The following DHX8 variants were observed in gnomAD, a reference collection of about 807,000 sequenced individuals.
The protein encoded by DHX8 is DEAH-box helicase 8.
A neutral mutation model predicts 140.7 loss-of-function variants in DHX8; 67 were observed. The ratio of observed to expected loss-of-function variants is 0.48; its 90% CI spans 0.39 to 0.58. DHX8 has a LOEUF of 0.58. Among genes scored for constraint, DHX8 ranks in the 20% least tolerant of loss-of-function variants. DHX8 has a pLI of 0.00. For missense variants in DHX8, 887 were observed against 1,550.7 expected (o/e 0.57, Z 7.19); for synonymous variants, 533 against 553.2 (o/e 0.96, Z 0.51).
chr17:43,498,140 GT>G (rs1334963814), intron 9 of DHX8, among the ~76,000 whole-genome samples: 309 of 142,534 alleles, frequency 2.2e-3, no homozygotes, highest in Middle Eastern at 3.5e-3. Context: ...CTGGGAAGGT[GT>G]TTTTTTTTTT....
In DHX8 at chr17:43,484,294, C is replaced by A. The variant is rs1967990094; in HGVS notation, c.148+109C>A. ...GGACCGAAAGTATGTTCGTGTGAAT[C>A]TGTCTCTCTCTGTCGCAGACACCGG... On this transcript the variant is annotated intron_variant, in intron 1 of 22. Transcript: ENST00000262415. The A allele has an allele frequency of 6.2e-6, 8 of 1,299,078 alleles. No individual in the cohort carries two copies. In the East Asian group the frequency reaches 1.9e-4, roughly 31 times the overall value. The allele number at this position is 1,299,078 out of a possible 1,614,324, so 80.5% of individuals were successfully genotyped here.
At chr17:43,543,661 A>C (rs1346869312) in intron 3 of DHX8, among the ~76,000 whole-genome samples, 1 of 152,134 alleles carries the variant, frequency 6.6e-6, no homozygotes, top group South Asian at 2.1e-4. Flanking sequence ...AAGGATGGGG[A>C]GACGGGGCAA....
At chr17:43,541,139 C>T (rs1322620531) in intron 3 of DHX8, among the ~76,000 whole-genome samples, 2 of 152,182 alleles carry the variant, frequency 1.3e-5, no homozygotes, top group Admixed American at 6.5e-5. Flanking sequence ...CCATCCTCTT[C>T]CCAGAGCCAG....
chr17:43,524,235 G>GC lies in DHX8; in HGVS notation c.*388_*389insC. On this transcript the variant is annotated 3_prime_UTR_variant, in exon 23 of 23. Transcript: ENST00000262415. ...GCAGGAGCTACTGTGCTCATCTAAAGTGTTTGCCCCACTTCCCACCCCGTC... is the reference window on the plus strand; with the variant it reads ...GCAGGAGCTACTGTGCTCATCTAAAGCTGTTTGCCCCACTTCCCACCCCGTC... The GC allele has an allele frequency of 9.5e-7, 1 of 1,049,802 alleles. No individual in the cohort carries two copies. The highest frequency in any genetic ancestry group is 3.4e-5 in the South Asian group (1 of 29,524). 65.0% of individuals were successfully genotyped at this position (1,049,802 alleles called of 1,614,324 possible). A position where few individuals can be genotyped will look rare whatever the true frequency, so the allele number is the denominator to read the frequency against.
chr17:43,536,475 C>G (rs572797949), exon 3 of DHX8: 4 of 1,614,100 alleles, frequency 2.5e-6, no homozygotes, highest in Non-Finnish European at 3.4e-6. Flanking sequence ...TGTCTGGTAC[C>G]TGAGCTGCAG....
chr17:43,523,975 ACT>A lies in DHX8; in HGVS notation c.*132_*133del, dbSNP rs1970512103. ...CTTAACTGAGCATTTTCTCAACTCG[ACT>A]CTCATTTCTTCCCTGCTGGTAAAAT... On this transcript the variant is annotated 3_prime_UTR_variant, in exon 23 of 23. Coordinates refer to ENST00000262415, the MANE Select transcript of DHX8 (RefSeq NM_004941.3). 2.1e-6 allele frequency: 3 copies of A among 1,461,308 alleles called. No homozygotes were observed. The highest frequency in any genetic ancestry group is 2.7e-6 in the Non-Finnish European group (3 of 1,109,410). 90.5% of individuals were successfully genotyped at this position (1,461,308 alleles called of 1,614,324 possible).
chr17:43,532,351 T>G (rs187401578), intron 2 of DHX8, among the ~76,000 whole-genome samples: 14 of 152,144 alleles, frequency 9.2e-5, no homozygotes, highest in African/African-American at 3.1e-4. Flanking sequence ...ATACAAAAAT[T>G]AGCCGGGCAC....
In DHX8 at chr17:43,489,910, G is replaced by T. The variant is rs563820802; in HGVS notation, c.234+376G>T. On this transcript the variant is annotated intron_variant, in intron 2 of 22. Transcript: ENST00000262415. Reference sequence around the variant, plus strand: ...CACTATTGATTTTAAATTTTGATAGGGTTTAATATAGGATTTTGATATAGG... The same window carrying T: ...CACTATTGATTTTAAATTTTGATAGTGTTTAATATAGGATTTTGATATAGG... Among the ~76,000 whole-genome samples the T allele has an allele frequency of 1.3e-4, 20 of 152,124 alleles. 2 individuals are homozygous for T. The South Asian group carries it at 4.2e-3, about 32-fold the overall frequency.
chr17:43,498,846 T>A lies in DHX8; in HGVS notation c.1301-16T>A, dbSNP rs762831715. 1 of 1,582,066 alleles carries A rather than the reference T, an allele frequency of 6.3e-7. No individual in the cohort carries two copies. Among genetic ancestry groups the A allele is most frequent in the South Asian group, 1.1e-5 (1 of 87,446 alleles). On this transcript the variant is annotated splice_polypyrimidine_tract_variant and intron_variant, in intron 9 of 22. Coordinates refer to ENST00000262415, the MANE Select transcript of DHX8 (RefSeq NM_004941.3). ...TTCTTGTTTATGGCTAATTCTTCTTTTGGGGGGACTTTTAGATGAGGACCT... is the reference window on the plus strand; with the variant it reads ...TTCTTGTTTATGGCTAATTCTTCTTATGGGGGGACTTTTAGATGAGGACCT...
intron 2 of DHX8, chr17:43,533,831 C>CCTT: frequency 6.2e-7 from 1 of 1,605,574 alleles, no homozygotes; most frequent in East Asian, 2.3e-5. Flanking sequence ...CTTCTCCTAC[C>CCTT]CTTCACCAGG....
intron 16 of DHX8, among the ~76,000 whole-genome samples, chr17:43,512,034 AC>A (rs1290498698): frequency 6.6e-6 from 1 of 151,852 alleles, no homozygotes; most frequent in East Asian, 1.9e-4. Flanking sequence ...AAAAAAGAAA[AC>A]CAAGTTTTTG....
intron 12 of DHX8, among the ~76,000 whole-genome samples, chr17:43,505,244 C>T (rs560691737): frequency 2.6e-5 from 4 of 152,042 alleles, no homozygotes; most frequent in Non-Finnish European, 5.9e-5. Flanking sequence ...CTTGTCTCTA[C>T]TAAAAATACA....
At chr17:43,528,619 T>A, downstream of DHX8, 1 of 1,613,904 alleles carries the variant, frequency 6.2e-7, no homozygotes, top group Non-Finnish European at 8.5e-7. Context: ...AGGGACTGTG[T>A]CCTCCTCACT....
chr17:43,492,715 C>T lies in DHX8; in HGVS notation c.538C>T (p.Arg180Ter), dbSNP rs1364086326. 5.6e-6 allele frequency: 9 copies of T among 1,606,508 alleles called. No homozygotes were observed. The highest frequency in any genetic ancestry group is 1.3e-5 in the African/African-American group (1 of 74,794). The change falls in exon 6 of 23, where the codon CGA becomes TGA. Residue 180 changes from arginine (R) to a stop codon, truncating the protein, a stop_gained. Transcript: ENST00000262415. LOFTEE classifies it high-confidence loss of function. ...RTKKKKRSRS[R>*]DRNRDRDRDR... ...AAAGAAGAAGAAGCGGAGTCGAAGCCGAGATCGAAACCGAGATCGAGACAG... is the reference window on the plus strand; with the variant it reads ...AAAGAAGAAGAAGCGGAGTCGAAGCTGAGATCGAAACCGAGATCGAGACAG...
chr17:43,505,399 C>A (rs545086292), intron 12 of DHX8, among the ~76,000 whole-genome samples: 6 of 151,144 alleles, frequency 4.0e-5, no homozygotes, highest in Non-Finnish European at 8.9e-5. Flanking sequence ...CAGAGAGAGA[C>A]TCTGTCTAAA....
chr17:43,538,876 A>G (rs1006377163), intron 3 of DHX8, among the ~76,000 whole-genome samples: 3 of 152,160 alleles, frequency 2.0e-5, no homozygotes, highest in African/African-American at 7.2e-5. Context: ...GAAACTGATA[A>G]AATGCCCAGA....
At chr17:43,526,622 C>A, downstream of DHX8, 1 of 1,535,272 alleles carries the variant, frequency 6.5e-7, no homozygotes, top group South Asian at 1.2e-5. Flanking sequence ...GGGCAGAGGG[C>A]CATCATCTCA....
Position 43,521,452 on chromosome 17 carries a change from C to T in DHX8, c.3150C>T (p.Asn1050=). ...GDHLTLLAVY[N]SWKNNKFSNP... ...ACCTCACCCTGCTAGCTGTGTACAA[C>T]TCCTGGAAGAACAACAAGTTCTCCA... is the stretch of plus-strand genomic sequence containing the variant. Residue 1050 remains asparagine, a synonymous_variant, in exon 21 of 23, where the codon AAC becomes AAT. Transcript: ENST00000262415. 1 of 1,614,026 alleles carries T rather than the reference C, an allele frequency of 6.2e-7. No homozygotes were observed. The highest frequency in any genetic ancestry group is 1.1e-5 in the South Asian group (1 of 91,088).
At chr17:43,497,949 T>C (rs1968957330) in intron 9 of DHX8, among the ~76,000 whole-genome samples, 1 of 152,198 alleles carries the variant, frequency 6.6e-6, no homozygotes, top group Admixed American at 6.5e-5. Flanking sequence ...CACAATGAAG[T>C]TGGATGGCAA....
Sources: gnomAD v4.1 joint callset for allele counts (sites outside exome capture counted in the v4.1 genomes callset) on GRCh38, gnomAD v4.1.1 for gene constraint, MANE v1.5 for transcripts, NCBI Gene and HGNC (gene_info 2026-07-23, HGNC 2026-07-21) for gene names.